Variants in C1RL observed in about 807,000 individuals in gnomAD.
The protein encoded by C1RL is complement C1r subcomponent-like protein.
C1RL carries 27 observed loss-of-function variants against 27.9 expected under a neutral mutation model. The ratio of observed to expected loss-of-function variants is 0.97; its 90% CI spans 0.71 to 1.33. The LOEUF (loss-of-function observed/expected upper bound fraction) is 1.33. Ranked by LOEUF, C1RL falls within the 40% of genes most tolerant of loss-of-function variation. The pLI is 0.00. For synonymous variants in C1RL, 248 were observed against 252.1 expected (o/e 0.98, Z 0.15); for missense variants, 563 against 623.9 (o/e 0.90, Z 1.04).
At chr12:7,109,026 G>C (rs1202475851) in intron 1 of C1RL, 84 bp downstream of exon 1, 5 of 544,786 alleles carry the variant, frequency 9.2e-6, no homozygotes, top group Admixed American at 8.0e-5. Flanking sequence ...GGGGTAGGGT[G>C]GGGGGAGGGA....
intron 2 of C1RL, among the ~76,000 whole-genome samples, chr12:7,105,227 C>T (rs1243525470): frequency 6.6e-6 from 1 of 152,104 alleles, no homozygotes; most frequent in Non-Finnish European, 1.5e-5. Flanking sequence ...CAAATTTTAG[C>T]TATCCACACA....
chr12:7,099,654 T>C, intron 5 of C1RL, 32 bp downstream of exon 5: 1 of 1,549,474 alleles, frequency 6.5e-7, no homozygotes, highest in Non-Finnish European at 8.7e-7. Flanking sequence ...TGAGGCTTGT[T>C]GGGGGAATGG....
chr12:7,108,360 C>A lies in C1RL; in HGVS notation c.191G>T (p.Gly64Val). The change falls in exon 2 of 6, where the codon GGC (glycine) becomes GTC (valine). Residue 64 changes from glycine (G) to valine (V), a missense_variant. Gly to Val is a moderately radical substitution (Grantham distance 109). Coordinates refer to ENST00000266542, the MANE Select transcript of C1RL (RefSeq NM_016546.4). ...SPGYPEPYGK[G>V]QESSTDIKAP... ...CTTGATGTCCGTGCTGCTCTCTTGGCCTTTGCCATACGGCTCTGGGTACCC... is the reference window on the plus strand; with the variant it reads ...CTTGATGTCCGTGCTGCTCTCTTGGACTTTGCCATACGGCTCTGGGTACCC... 1 of 1,614,242 alleles carries A rather than the reference C, an allele frequency of 6.2e-7. No homozygotes were observed. The highest frequency in any genetic ancestry group is 2.2e-5 in the East Asian group (1 of 44,886).
Position 7,094,602 on chromosome 12 carries a change from AT to A in C1RL, c.*1788del. 2.1e-6 allele frequency: 2 copies of A among 945,880 alleles called. No individual in the cohort carries two copies. Among genetic ancestry groups the A allele is most frequent in the Non-Finnish European group, 1.3e-6 (1 of 794,004 alleles). The allele number at this position is 945,880 out of a possible 1,614,324, so 58.6% of individuals were successfully genotyped here. A position where few individuals can be genotyped will look rare whatever the true frequency, so the allele number is the denominator to read the frequency against. ...GCCTTGGCAGGGAGAAACTCATATCATTTTTTGCAATCATAAAAATAAGCAA... is the reference window on the plus strand; with the variant it reads ...GCCTTGGCAGGGAGAAACTCATATCATTTTTGCAATCATAAAAATAAGCAA... On this transcript the variant is annotated 3_prime_UTR_variant, in exon 6 of 6. Coordinates refer to ENST00000266542, the MANE Select transcript of C1RL (RefSeq NM_016546.4).
rs562844835 is a variant in C1RL, at chr12:7,108,577, C to T, written c.72-98G>A. ...GGGAGCCGCGCTAGGACTCAGAGGC[C>T]TCGCGAGGCAGGGCTAGAAGCTGTG... On this transcript the variant is annotated intron_variant, in intron 1 of 5. Transcript: ENST00000266542. 2.7e-3 allele frequency: 2,476 copies of T among 929,126 alleles called. 8 individuals are homozygous for T. Among genetic ancestry groups the T allele is most frequent in the Non-Finnish European group, 2.8e-3 (1,729 of 627,388 alleles). The allele number at this position is 929,126 out of a possible 1,614,324, so 57.6% of individuals were successfully genotyped here. A position where few individuals can be genotyped will look rare whatever the true frequency, so the allele number is the denominator to read the frequency against.
intron 2 of C1RL, among the ~76,000 whole-genome samples, chr12:7,103,391 G>C (rs1376839564): frequency 2.6e-5 from 4 of 152,182 alleles, no homozygotes; most frequent in Non-Finnish European, 5.9e-5. Flanking sequence ...GAAATGGGGA[G>C]TTTCTGAAGC....
rs1009812189 is a variant in C1RL, at chr12:7,104,627, C to T, written c.301-2540G>A. ...AGTGCGTCCTGAAACAGGATGGTGT[C>T]CTGTCCAGCACTGGTTCATGCCTTG... On this transcript the variant is annotated intron_variant, in intron 2 of 5. Transcript: ENST00000266542. The surrounding 1 kb of genome is among the most constrained non-coding windows in gnomAD (Gnocchi z 5.4). Among the ~76,000 whole-genome samples, 2 of 152,314 alleles carry T rather than the reference C, an allele frequency of 1.3e-5. No homozygotes were observed. The highest frequency in any genetic ancestry group is 4.1e-4 in the South Asian group (2 of 4,822).
chr12:7,104,345 C>T lies in C1RL; in HGVS notation c.301-2258G>A, dbSNP rs1021038846. Among the ~76,000 whole-genome samples, 11 of 152,208 alleles carry T rather than the reference C, an allele frequency of 7.2e-5. No homozygotes were observed. The highest frequency in any genetic ancestry group is 2.7e-4 in the African/African-American group (11 of 41,446). ...TTAACAAGAAACCCTGGACTTGAGG[C>T]CCCGCGGCACACTTGATAGAGGGGG... On this transcript the variant is annotated intron_variant, in intron 2 of 5. Transcript: ENST00000266542. The surrounding 1 kb of genome is among the most constrained non-coding windows in gnomAD (Gnocchi z 5.4).
rs138873491 is a variant in C1RL at position 7,096,540 on chromosome 12, C to T, written c.1315G>A (p.Val439Ile). The T allele has an allele frequency of 3.9e-4, 622 of 1,614,052 alleles. No homozygotes were observed. Among genetic ancestry groups the T allele is most frequent in the Non-Finnish European group, 5.1e-4 (599 of 1,180,036 alleles). Residue 439 changes from valine to isoleucine, a missense_variant, in exon 6 of 6, where the codon GTC (valine) becomes ATC (isoleucine). Coordinates refer to ENST00000266542, the MANE Select transcript of C1RL (RefSeq NM_016546.4). Reference sequence around the variant, plus strand: ...GCATGATTGTCCCATACCACATAGACGCTGCCACTGTCCCCCTGGCAGACA... The same window carrying T: ...GCATGATTGTCCCATACCACATAGATGCTGCCACTGTCCCCCTGGCAGACA... The part of the protein sequence containing the change: ...HSVCQGDSGS[V>I]YVVWDNHAHH...
rs908229662 is a variant in C1RL, at chr12:7,104,554, G to A, written c.301-2467C>T. 7.9e-5 allele frequency among the ~76,000 whole-genome samples: 12 copies of A among 152,200 alleles called. No homozygotes were observed. The highest frequency in any genetic ancestry group is 2.4e-4 in the African/African-American group (10 of 41,442). ...ACATCCCAAGCTGTGCCTGCTAGGC[G>A]ACCTGGTATGTCTCCACGGTCCCAG... On this transcript the variant is annotated intron_variant, in intron 2 of 5. Coordinates refer to ENST00000266542, the MANE Select transcript of C1RL (RefSeq NM_016546.4). The surrounding 1 kb of genome is among the most constrained non-coding windows in gnomAD (Gnocchi z 5.4).
At position 7,095,338 on chromosome 12, in the gene C1RL, T is replaced by C. The variant is rs1376726885; in HGVS notation, c.*1053A>G. The stretch of plus-strand genomic sequence containing the variant: ...ACCATGTTGGCCAGGATGGGCTGGA[T>C]CTCCTGACCTCGTGATCCACCCACC... On this transcript the variant is annotated 3_prime_UTR_variant, in exon 6 of 6. Coordinates refer to ENST00000266542, the MANE Select transcript of C1RL (RefSeq NM_016546.4). 1 of 952,146 alleles carries C rather than the reference T, an allele frequency of 1.1e-6. No homozygotes were observed. Among genetic ancestry groups the C allele is most frequent in the East Asian group, 1.1e-4 (1 of 8,840 alleles). The allele number at this position is 952,146 out of a possible 1,614,324, so 59.0% of individuals were successfully genotyped here. A position where few individuals can be genotyped will look rare whatever the true frequency, so the allele number is the denominator to read the frequency against.
In C1RL at chr12:7,096,383, C is replaced by T; in HGVS notation, c.*8G>A. 1 of 1,590,502 alleles carries T rather than the reference C, an allele frequency of 6.3e-7. No individual in the cohort carries two copies. Among genetic ancestry groups the T allele is most frequent in the South Asian group, 1.1e-5 (1 of 87,516 alleles). The stretch of plus-strand genomic sequence containing the variant: ...TGTGCTGGTCAGTCCCTGTTCAAGC[C>T]CCCAGGGTCAATTCTTGCCATTCAT... On this transcript the variant is annotated 3_prime_UTR_variant, in exon 6 of 6. Transcript: ENST00000266542.
At chr12:7,097,251 G>A in intron 5 of C1RL, 88 bp from the exon 6 acceptor site, 1 of 1,239,316 alleles carries the variant, frequency 8.1e-7, no homozygotes, top group Non-Finnish European at 1.1e-6. Flanking sequence ...TGCTGTGGTA[G>A]GGGACGCGTG....
chr12:7,105,481 G>A (rs1404570407), intron 2 of C1RL, among the ~76,000 whole-genome samples: 1 of 152,118 alleles, frequency 6.6e-6, no homozygotes, highest in Non-Finnish European at 1.5e-5. Flanking sequence ...TGTTGGCCAG[G>A]CTGGTCTCAA....
At chr12:7,098,852 A>G (rs766435121) in intron 5 of C1RL, among the ~76,000 whole-genome samples, 11 of 152,214 alleles carry the variant, frequency 7.2e-5, no homozygotes, top group African/African-American at 2.4e-4. Flanking sequence ...ATTAGTGGTA[A>G]TGGTTTCACA....
Position 7,108,426 on chromosome 12 carries a change from A to C in C1RL, c.125T>G (p.Val42Gly), listed in dbSNP as rs1437971789. Residue 42 changes from valine to glycine, a missense_variant, in exon 2 of 6, where the codon GTC becomes GGC. Val to Gly is a moderately radical substitution (Grantham distance 109, BLOSUM62 -3). Coordinates refer to ENST00000266542, the MANE Select transcript of C1RL (RefSeq NM_016546.4). ...CTGGGGTAGCTCTTGGGCCAAGAGG[A>C]CGGAGCCCCGGGTTGGGCAAGCCTG... ...VLQACPTRGSVLLAQELPQQL... is the reference protein window; with the variant it reads ...VLQACPTRGSGLLAQELPQQL... 7 of 1,612,418 alleles carry C rather than the reference A, an allele frequency of 4.3e-6. No individual in the cohort carries two copies. In the Admixed American group the frequency reaches 1.0e-4, roughly 23 times the overall value.
chr12:7,099,455 T>A, intron 5 of C1RL: 2 of 984,444 alleles, frequency 2.0e-6, no homozygotes, highest in Non-Finnish European at 2.4e-6. Flanking sequence ...TTCTAGTCCA[T>A]CTCATGAACG....
intron 5 of C1RL, 110 bp downstream of exon 5, chr12:7,099,576 C>T: frequency 6.8e-7 from 1 of 1,469,360 alleles, no homozygotes; most frequent in African/African-American, 1.4e-5. Flanking sequence ...TCACCTTCTG[C>T]TTCTTATCTT....
In C1RL at chr12:7,095,120, C is replaced by CT. The variant is rs1398587059; in HGVS notation, c.*1270dup. ...TCTTTCACTGTAAATCACCTCCAAT[C>CT]TTTTTTTTTTGGGGGGGATGAAGTC... On this transcript the variant is annotated 3_prime_UTR_variant, in exon 6 of 6. Coordinates refer to ENST00000266542, the MANE Select transcript of C1RL (RefSeq NM_016546.4). 9.8e-3 allele frequency: 10,104 copies of CT among 1,029,334 alleles called. 16 individuals are homozygous for CT. The highest frequency in any genetic ancestry group is 0.026 in the African/African-American group (1,521 of 58,478). The allele number at this position is 1,029,334 out of a possible 1,614,324, so 63.8% of individuals were successfully genotyped here.
Sources: gnomAD v4.1 joint callset for allele counts (sites outside exome capture counted in the v4.1 genomes callset) on GRCh38, gnomAD v4.1.1 for gene constraint, Gnocchi (gnomAD v3.1) non-coding constraint, MANE v1.5 for transcripts, NCBI Gene and HGNC (gene_info 2026-07-23, HGNC 2026-07-21) for gene names.